EML5: variants seen among roughly 807,000 people sequenced by gnomAD.
EML5 encodes EMAP like 5.
A neutral mutation model predicts 250.0 loss-of-function variants in EML5; 120 were observed. The ratio of observed to expected loss-of-function variants is 0.48; its 90% confidence interval spans 0.41 to 0.56. The LOEUF (loss-of-function observed/expected upper bound fraction) is 0.56, where lower values mean the gene tolerates loss of function less well. Among genes scored for constraint, EML5 ranks in the 20% least tolerant of loss-of-function variants. The pLI, the probability that EML5 is intolerant of heterozygous loss-of-function variation, is 0.00. For synonymous variants in EML5, 771 were observed against 806.5 expected (o/e 0.96, Z 0.75); for missense variants, 2,006 against 2,437.6 (o/e 0.82, Z 3.73).
intron 27 of EML5, among the ~76,000 whole-genome samples, chr14:88,654,286 T>C (rs2091773539): frequency 6.6e-6 from 1 of 152,206 alleles, no homozygotes; most frequent in Admixed American, 6.5e-5. Context: ...TCTCCTTCAG[T>C]TGTGCTCTGA....
chr14:88,729,854 C>T (rs900826275), intron 7 of EML5, among the ~76,000 whole-genome samples: 1 of 141,394 alleles, frequency 7.1e-6, no homozygotes, highest in Non-Finnish European at 1.5e-5. Context: ...AGCCACCACA[C>T]TCGGTCTTGT....
At chr14:88,755,987 G>A (rs1805234704) in intron 1 of EML5, among the ~76,000 whole-genome samples, 1 of 152,184 alleles carries the variant, frequency 6.6e-6, no homozygotes, top group Admixed American at 6.5e-5. Context: ...CTGCATTCCA[G>A]CCTGGGCTTC....
chr14:88,627,495 T>C (rs371149724), intron 34 of EML5, 151 bp downstream of exon 34: 32 of 671,254 alleles, frequency 4.8e-5, no homozygotes, highest in Non-Finnish European at 6.8e-5. Context: ...AAGTGAAATA[T>C]ACCTACAGTA....
intron 20 of EML5, among the ~76,000 whole-genome samples, chr14:88,684,729 A>G (rs979676425): frequency 6.6e-6 from 1 of 152,014 alleles, no homozygotes; most frequent in Non-Finnish European, 1.5e-5. Context: ...CAATTATTCC[A>G]TAGAAGAATA....
At chr14:88,724,881 T>C (rs2093643399) in intron 8 of EML5, among the ~76,000 whole-genome samples, 1 of 152,150 alleles carries the variant, frequency 6.6e-6, no homozygotes, top group Admixed American at 6.6e-5. Context: ...GTTACAGAGA[T>C]TCCAGAATCA....
intron 27 of EML5, among the ~76,000 whole-genome samples, chr14:88,655,102 G>A (rs1344188566): frequency 6.6e-6 from 1 of 152,022 alleles, no homozygotes; most frequent in African/African-American, 2.4e-5. Flanking sequence ...AGCTACCAAT[G>A]ACTTTCCTCA....
intron 41 of EML5, 42 bp downstream of exon 41, chr14:88,618,186 C>T (rs545277903): frequency 1.1e-5 from 17 of 1,558,226 alleles, no homozygotes; most frequent in Non-Finnish European, 1.4e-5. Context: ...TCTAACTGGC[C>T]TTCAAAGTCA....
At chr14:88,788,948 G>A (rs1398525222) in intron 1 of EML5, among the ~76,000 whole-genome samples, 5 of 150,876 alleles carry the variant, frequency 3.3e-5, no homozygotes, top group Non-Finnish European at 7.4e-5. Context: ...TGTGGTCTCA[G>A]CCACTTGGGG....
At chr14:88,763,441 C>T (rs1045349627) in intron 1 of EML5, among the ~76,000 whole-genome samples, 5 of 152,080 alleles carry the variant, frequency 3.3e-5, no homozygotes, top group Non-Finnish European at 7.4e-5. Flanking sequence ...CACACCCCCC[C>T]AAGACTAAAC....
intron 9 of EML5, 149 bp from the exon 10 acceptor site, chr14:88,712,632 G>A: frequency 6.9e-6 from 4 of 581,648 alleles, no homozygotes; most frequent in South Asian, 3.4e-5. Flanking sequence ...GATAAGTTTG[G>A]GTTAAGAGAA....
chr14:88,739,811 A>C (rs1428693850), intron 5 of EML5, among the ~76,000 whole-genome samples: 4 of 152,180 alleles, frequency 2.6e-5, no homozygotes, highest in Non-Finnish European at 4.4e-5. Context: ...AAATTTAAAA[A>C]GTAAAAAAGA....
At chr14:88,669,178 G>A (rs1238446336) in intron 21 of EML5, among the ~76,000 whole-genome samples, 1 of 152,184 alleles carries the variant, frequency 6.6e-6, no homozygotes, top group Non-Finnish European at 1.5e-5. Context: ...TGGTGGATCA[G>A]GAGATCCCCT....
intron 8 of EML5, among the ~76,000 whole-genome samples, chr14:88,720,600 A>G (rs1296906980): frequency 6.6e-6 from 1 of 152,200 alleles, no homozygotes; most frequent in Non-Finnish European, 1.5e-5. Context: ...AAACCTCTCA[A>G]TAAACTAGAT....
chr14:88,768,171 G>A (rs1012191326), intron 1 of EML5, among the ~76,000 whole-genome samples: 7 of 152,052 alleles, frequency 4.6e-5, no homozygotes, highest in Non-Finnish European at 7.4e-5. Context: ...TTTCCACATC[G>A]TATCAGAAGG....
intron 3 of EML5, among the ~76,000 whole-genome samples, chr14:88,745,139 C>T (rs947667914): frequency 2.2e-5 from 3 of 134,300 alleles, no homozygotes; most frequent in African/African-American, 9.2e-5. Context: ...ATATATCCAA[C>T]ATTTTAATAA....
At chr14:88,706,449 A>C in intron 10 of EML5, 23 bp from the exon 11 acceptor site, 1 of 1,457,602 alleles carries the variant, frequency 6.9e-7, no homozygotes, top group Non-Finnish European at 9.1e-7. Context: ...TATATCTTTA[A>C]ATTGATAAAC....
At chr14:88,691,285 T>TGGGC (rs768412954) in intron 17 of EML5, among the ~76,000 whole-genome samples, 41 of 152,298 alleles carry the variant, frequency 2.7e-4, no homozygotes, top group Non-Finnish European at 4.3e-4. Flanking sequence ...ACAGAATGTC[T>TGGGC]AATGGCAACT....
At chr14:88,729,558 G>GT (rs111605174) in intron 7 of EML5, among the ~76,000 whole-genome samples, 7,361 of 148,262 alleles carry the variant, frequency 0.05, 306 homozygotes, top group South Asian at 0.13. Flanking sequence ...TACTTATTTG[G>GT]TTTTTTGTTT....
At chr14:88,718,060 G>T (rs911281799) in intron 8 of EML5, among the ~76,000 whole-genome samples, 1 of 152,160 alleles carries the variant, frequency 6.6e-6, no homozygotes, top group Non-Finnish European at 1.5e-5. Context: ...GGGTTCAGGA[G>T]AAAGAGGTAT....
Sources: gnomAD v4.1 joint callset for allele counts (sites outside exome capture counted in the v4.1 genomes callset) on GRCh38, gnomAD v4.1.1 for gene constraint, MANE v1.5 for transcripts, NCBI Gene and HGNC (gene_info 2026-07-23, HGNC 2026-07-21) for gene names.